Variants in ATAD2B observed in about 807,000 individuals in gnomAD.
ATAD2B encodes ATPase family AAA domain-containing protein 2B.
ATAD2B carries 40 observed loss-of-function variants against 167.6 expected under a neutral mutation model. The observed-to-expected ratio is 0.24, with a 90% CI of 0.19 to 0.31. The LOEUF is 0.31. Ranked by LOEUF, ATAD2B falls within the 10% of genes least tolerant of loss-of-function variation. The probability of loss-of-function intolerance (pLI) is 1.00; values close to 1 mark genes in which losing one functional copy is unlikely to be tolerated. For missense variants in ATAD2B, 1,242 were observed against 1,757.2 expected (o/e 0.71, Z 5.24); for synonymous variants, 579 against 596.5 (o/e 0.97, Z 0.43).
At chr2:23,922,972 G>A (rs1231893700) in intron 1 of ATAD2B, among the ~76,000 whole-genome samples, 2 of 152,126 alleles carry the variant, frequency 1.3e-5, no homozygotes, top group Non-Finnish European at 2.9e-5. Flanking sequence ...ATTAAAAATA[G>A]AACTACCATA....
the ATAD2B span, among the ~76,000 whole-genome samples, chr2:23,723,672 C>T: frequency 6.6e-6 from 1 of 152,108 alleles, no homozygotes; most frequent in Admixed American, 6.5e-5. Context: ...GGTGGGAATG[C>T]AAACTAGTAC....
intron 1 of ATAD2B, among the ~76,000 whole-genome samples, chr2:23,902,301 G>C (rs1280856332): frequency 6.6e-6 from 1 of 152,264 alleles, no homozygotes; most frequent in Non-Finnish European, 1.5e-5. Flanking sequence ...CTCTATGACA[G>C]AGACCTCAGA....
intron 18 of ATAD2B, chr2:23,800,087 A>AG (rs902866164): frequency 6.7e-6 from 1 of 149,576 alleles, no homozygotes; most frequent in African/African-American, 2.5e-5. Context: ...CACTTATTTA[A>AG]AAAAAAAAAA....
At chr2:23,747,887 G>C (rs1052821983), downstream of ATAD2B, among the ~76,000 whole-genome samples, 3 of 152,016 alleles carry the variant, frequency 2.0e-5, no homozygotes, top group Non-Finnish European at 4.4e-5. Flanking sequence ...CTGTAGTTTT[G>C]AGTCTTATGG....
At chr2:23,723,096 A>T in the ATAD2B span, among the ~76,000 whole-genome samples, 1 of 152,186 alleles carries the variant, frequency 6.6e-6, no homozygotes, top group Non-Finnish European at 1.5e-5. Context: ...GTTTGAGACA[A>T]GCCTGGGCAA....
intron 8 of ATAD2B, chr2:23,872,640 G>T: frequency 7.4e-7 from 1 of 1,347,188 alleles, no homozygotes; most frequent in Non-Finnish European, 1.1e-6. Flanking sequence ...TCCATCGGAG[G>T]TGGTGGAACA....
chr2:23,878,014 G>A (rs10197342), intron 7 of ATAD2B, among the ~76,000 whole-genome samples: 30,716 of 42,164 alleles, frequency 0.73, 9,964 homozygotes, highest in Middle Eastern at 0.9. Flanking sequence ...TATCTCCAAA[G>A]AAAAAAAAAA....
At chr2:23,788,818 C>A (rs190613110) in intron 19 of ATAD2B, among the ~76,000 whole-genome samples, 171 bp from the exon 20 acceptor site, 4 of 151,926 alleles carry the variant, frequency 2.6e-5, no homozygotes, top group Non-Finnish European at 5.9e-5. Flanking sequence ...AGGGTTCAAC[C>A]GCATGGGCTA....
intron 1 of ATAD2B, among the ~76,000 whole-genome samples, chr2:23,898,966 T>G (rs556020882): frequency 4.6e-5 from 7 of 152,136 alleles, no homozygotes; most frequent in Non-Finnish European, 1.0e-4. Context: ...CTGACCAACA[T>G]GGTGAAACCC....
chr2:23,703,437 T>C, the ATAD2B span: 2 of 1,354,330 alleles, frequency 1.5e-6, no homozygotes, highest in Non-Finnish European at 2.0e-6. Flanking sequence ...CCTTGCTGAT[T>C]TGTTCAGTAT....
intron 19 of ATAD2B, among the ~76,000 whole-genome samples, chr2:23,797,760 G>A (rs1047565233): frequency 1.3e-5 from 2 of 152,052 alleles, no homozygotes; most frequent in Non-Finnish European, 2.9e-5. Context: ...ATAATTTTGT[G>A]CAAGAAACAA....
the ATAD2B span, among the ~76,000 whole-genome samples, chr2:23,711,192 C>T: frequency 6.6e-6 from 1 of 151,794 alleles, no homozygotes; most frequent in Non-Finnish European, 1.5e-5. Flanking sequence ...CAGAAAAATA[C>T]TATCAGTTGT....
chr2:23,926,818 C>A lies in ATAD2B; in HGVS notation c.-48G>T. 6.9e-7 allele frequency: 1 copy of A among 1,458,336 alleles called. No individual in the cohort carries two copies. 90.3% of individuals were successfully genotyped at this position (1,458,336 alleles called of 1,614,324 possible). A position where few individuals can be genotyped will look rare whatever the true frequency, so the allele number is the denominator to read the frequency against. On this transcript the variant is annotated 5_prime_UTR_variant, in exon 1 of 28. Coordinates refer to ENST00000238789, the MANE Select transcript of ATAD2B (RefSeq NM_017552.4). ...CCACGCCGCGCCCGGGAGAGCCGAG[C>A]AAGGCCGGCCCGCCGGCCGGTCAGT...
At chr2:23,779,440 G>C (rs1679668977) in intron 22 of ATAD2B, among the ~76,000 whole-genome samples, 1 of 151,970 alleles carries the variant, frequency 6.6e-6, no homozygotes, top group African/African-American at 2.4e-5. Flanking sequence ...CTCCCAAAGT[G>C]CTGGGATTAC....
At chr2:23,739,529 T>C in the ATAD2B span, among the ~76,000 whole-genome samples, 8 of 151,774 alleles carry the variant, frequency 5.3e-5, no homozygotes, top group Non-Finnish European at 1.0e-4. Flanking sequence ...CATACCAGAA[T>C]CTCTGGGACA....
intron 22 of ATAD2B, among the ~76,000 whole-genome samples, chr2:23,771,084 G>T (rs1325553652): frequency 2.0e-5 from 3 of 151,978 alleles, no homozygotes; most frequent in Non-Finnish European, 4.4e-5. Context: ...GTTATTTTTT[G>T]ATGTTATTTC....
At chr2:23,728,306 G>A in the ATAD2B span, among the ~76,000 whole-genome samples, 9 of 152,058 alleles carry the variant, frequency 5.9e-5, no homozygotes, top group African/African-American at 9.7e-5. Context: ...TAAACAAAGA[G>A]GGGAAATAAA....
chr2:23,803,534 A>C (rs1386659296), intron 18 of ATAD2B, among the ~76,000 whole-genome samples: 1 of 152,252 alleles, frequency 6.6e-6, no homozygotes, highest in Non-Finnish European at 1.5e-5. Flanking sequence ...GAAAATCAGA[A>C]ATTTGTGTAA....
In ATAD2B at chr2:23,817,532, T is replaced by C. The variant is rs572192725; in HGVS notation, c.2267+2215A>G. On this transcript the variant is annotated intron_variant, in intron 17 of 27. Coordinates refer to ENST00000238789, the MANE Select transcript of ATAD2B (RefSeq NM_017552.4). The stretch of plus-strand genomic sequence containing the variant: ...GACTTCCAGCAGAATTAGTTCTGCT[T>C]TCACAGCACTTTCGCCATATTGAAA... Among the ~76,000 whole-genome samples, 29 of 152,296 alleles carry C rather than the reference T, an allele frequency of 1.9e-4. No individual in the cohort carries two copies. In the South Asian group the frequency reaches 5.8e-3, roughly 30 times the overall value.
Sources: gnomAD v4.1 joint callset for allele counts (sites outside exome capture counted in the v4.1 genomes callset) on GRCh38, gnomAD v4.1.1 for gene constraint, MANE v1.5 for transcripts, NCBI Gene and HGNC (gene_info 2026-07-23, HGNC 2026-07-21) for gene names.